Variants in PTP4A2 observed in about 807,000 individuals in gnomAD.
PTP4A2 encodes the protein protein tyrosine phosphatase type IVA 2.
Under a neutral mutation model 22.9 loss-of-function variants are expected in PTP4A2, and 2 were observed. The ratio of observed to expected loss-of-function variants is 0.09; its 90% confidence interval spans 0.04 to 0.27. PTP4A2 has a LOEUF of 0.27. Among genes scored for constraint, PTP4A2 ranks in the 10% least tolerant of loss-of-function variants. PTP4A2 has a pLI of 1.00. For missense variants in PTP4A2, 103 were observed against 205.1 expected (o/e 0.50, Z 3.04); for synonymous variants, 68 against 69.1 (o/e 0.98, Z 0.08).
At chr1:31,923,716 G>A (rs535517316) in intron 1 of PTP4A2, among the ~76,000 whole-genome samples, 2 of 152,060 alleles carry the variant, frequency 1.3e-5, no homozygotes, top group South Asian at 2.1e-4. Flanking sequence ...TTGGAGAGAC[G>A]GGGGCCTTGC....
chr1:31,914,763 A>G (rs1651736816), intron 3 of PTP4A2, among the ~76,000 whole-genome samples: 1 of 152,238 alleles, frequency 6.6e-6, no homozygotes, highest in Non-Finnish European at 1.5e-5. Flanking sequence ...TAAAATGTTA[A>G]CTAATCTGAT....
At chr1:31,930,535 A>C (rs886494088) in intron 1 of PTP4A2, among the ~76,000 whole-genome samples, 1 of 152,224 alleles carries the variant, frequency 6.6e-6, no homozygotes, top group African/African-American at 2.4e-5. Context: ...TCTTGTCAAC[A>C]TAAATTATTT....
At chr1:31,933,174 G>GT (rs369527014) in intron 1 of PTP4A2, 11 of 152,002 alleles carry the variant, frequency 7.2e-5, no homozygotes, top group African/African-American at 2.7e-4. Context: ...GCTAGTTTTT[G>GT]TATTTTTTGT....
chr1:31,933,108 C>G (rs770358920), intron 1 of PTP4A2: 4 of 152,034 alleles, frequency 2.6e-5, no homozygotes, highest in East Asian at 3.9e-4. Flanking sequence ...CTCCAGTGAT[C>G]CTTCCACTTC....
chr1:31,930,329 C>T (rs965662886), intron 1 of PTP4A2, among the ~76,000 whole-genome samples: 1 of 151,824 alleles, frequency 6.6e-6, no homozygotes, highest in Non-Finnish European at 1.5e-5. Flanking sequence ...GACAGTGAGA[C>T]TCCATCTCAA....
intron 2 of PTP4A2, among the ~76,000 whole-genome samples, chr1:31,917,741 C>T (rs1388120467): frequency 1.3e-5 from 2 of 151,998 alleles, no homozygotes; most frequent in South Asian, 2.1e-4. Context: ...TTTGGGAGGC[C>T]GAGGAAGGCG....
intron 1 of PTP4A2, among the ~76,000 whole-genome samples, chr1:31,936,498 C>G (rs1309164048): frequency 6.6e-6 from 1 of 151,966 alleles, no homozygotes; most frequent in Non-Finnish European, 1.5e-5. Flanking sequence ...TGGCTAAGAT[C>G]AAGTGAAAGA....
rs755184032 is a variant in PTP4A2, at chr1:31,911,682, AG to A, written c.320+13del. 44 of 1,560,086 alleles carry A rather than the reference AG, an allele frequency of 2.8e-5. No homozygotes were observed. The African/African-American group carries it at 4.4e-4, about 16-fold the overall frequency. On this transcript the variant is annotated intron_variant, in intron 4 of 5. Coordinates refer to ENST00000647444, the MANE Select transcript of PTP4A2 (RefSeq NM_080391.4). ...TGAATTCAGACAAAAAGGGTAATAAAGGTAAGAGTTTACCTTCCCAATCCTG... is the reference window on the plus strand; with the variant it reads ...TGAATTCAGACAAAAAGGGTAATAAAGTAAGAGTTTACCTTCCCAATCCTG...
intron 1 of PTP4A2, among the ~76,000 whole-genome samples, chr1:31,935,020 C>T (rs1310709358): frequency 6.6e-6 from 1 of 152,174 alleles, no homozygotes; most frequent in African/African-American, 2.4e-5. Context: ...GGTAATAATA[C>T]TTTGAATCTG....
chr1:31,910,281 T>C, intron 4 of PTP4A2, 169 bp from the exon 5 acceptor site: 1 of 547,130 alleles, frequency 1.8e-6, no homozygotes, highest in Non-Finnish European at 3.2e-6. Flanking sequence ...TCATTAATTC[T>C]ATGATTTTTT....
intron 1 of PTP4A2, among the ~76,000 whole-genome samples, chr1:31,926,149 A>AATATATATATATATAT (rs1553212254): frequency 2.8e-4 from 37 of 130,956 alleles, no homozygotes; most frequent in Non-Finnish European, 4.1e-4. Context: ...AAAAAAAAAA[A>AATATATATATATATAT]ATATATATAT....
intron 3 of PTP4A2, chr1:31,912,925 G>A: frequency 2.4e-6 from 1 of 420,134 alleles, no homozygotes; most frequent in Admixed American, 2.9e-5. Context: ...TTAAAGGACT[G>A]TGTTATTATA....
intron 2 of PTP4A2, among the ~76,000 whole-genome samples, 196 bp downstream of exon 2, chr1:31,918,774 G>C (rs1381029683): frequency 1.3e-5 from 2 of 152,156 alleles, no homozygotes; most frequent in Admixed American, 1.3e-4. Flanking sequence ...AGAGAAAACA[G>C]TACTAGATAT....
chr1:31,926,149 A>AAAAAAAATATATAT (rs59088489), intron 1 of PTP4A2, among the ~76,000 whole-genome samples: 7 of 131,336 alleles, frequency 5.3e-5, no homozygotes, highest in South Asian at 2.4e-4. Flanking sequence ...AAAAAAAAAA[A>AAAAAAAATATATAT]ATATATATAT....
At position 31,910,109 on chromosome 1, in the gene PTP4A2, T is replaced by C; in HGVS notation, c.324A>G (p.Ala108=). Residue 108 remains alanine (A), a synonymous_variant, in exon 5 of 6, where the codon GCA becomes GCG. Coordinates refer to ENST00000647444, the MANE Select transcript of PTP4A2 (RefSeq NM_080391.4). ...TCAAAGCAAGTGCAACCAGCACAGG[T>C]GCCCTGCAGAAAGAAACCTGTATGT... ...AVHCVAGLGR[A]PVLVALALIE... is the part of the protein sequence containing the mutation. 1 of 1,612,926 alleles carries C rather than the reference T, an allele frequency of 6.2e-7. No individual in the cohort carries two copies. The highest frequency in any genetic ancestry group is 8.5e-7 in the Non-Finnish European group (1 of 1,179,454).
intron 1 of PTP4A2, chr1:31,934,012 C>T (rs1652836470): frequency 6.6e-6 from 1 of 152,144 alleles, no homozygotes; most frequent in Non-Finnish European, 1.5e-5. Context: ...AATCCCTGCA[C>T]TTTGGGAGGC....
At chr1:31,918,077 G>A (rs972396042) in intron 2 of PTP4A2, among the ~76,000 whole-genome samples, 5 of 151,640 alleles carry the variant, frequency 3.3e-5, no homozygotes, top group Admixed American at 2.6e-4. Flanking sequence ...GTGAAATCCC[G>A]TCTCTACTAG....
intron 1 of PTP4A2, among the ~76,000 whole-genome samples, chr1:31,934,969 T>C (rs1652871565): frequency 6.6e-6 from 1 of 152,234 alleles, no homozygotes; most frequent in Non-Finnish European, 1.5e-5. Context: ...GCCAGCCTTT[T>C]CCAGCTACAA....
chr1:31,909,015 A>G, intron 5 of PTP4A2, 55 bp from the exon 6 acceptor site: 1 of 1,248,020 alleles, frequency 8.0e-7, no homozygotes, highest in Non-Finnish European at 1.2e-6. Flanking sequence ...TGTCTGATTC[A>G]CTGAAATGCA....
Sources: allele counts gnomAD v4.1 joint callset (sites outside exome capture counted in the v4.1 genomes callset), GRCh38; gene constraint gnomAD v4.1.1; transcripts MANE v1.5; gene names NCBI Gene and HGNC (gene_info 2026-07-23, HGNC 2026-07-21).